Variants in NR6A1 observed in about 807,000 individuals in gnomAD.
The protein encoded by NR6A1 is retinoic acid receptor-related testis-associated receptor.
Under a neutral mutation model 59.1 loss-of-function variants are expected in NR6A1, and 7 were observed. The observed-to-expected ratio is 0.12, with a 90% confidence interval of 0.07 to 0.22. NR6A1 has a LOEUF of 0.22. NR6A1 is among the 10% of genes least tolerant of loss of function. The probability of loss-of-function intolerance (pLI) is 1.00; values close to 1 mark genes in which losing one functional copy is unlikely to be tolerated. For missense variants in NR6A1, 468 were observed against 611.6 expected (o/e 0.77, Z 2.48); for synonymous variants, 243 against 236.1 (o/e 1.03, Z -0.27).
At chr9:124,704,286 G>A (rs77166253) in intron 2 of NR6A1, among the ~76,000 whole-genome samples, 1,574 of 152,252 alleles carry the variant, frequency 0.01, 27 homozygotes, top group African/African-American at 0.036. Flanking sequence ...TATCAAATTT[G>A]TCGATCTTTT....
intron 2 of NR6A1, among the ~76,000 whole-genome samples, chr9:124,665,022 A>C (rs1158524678): frequency 1.9e-4 from 29 of 150,770 alleles, no homozygotes; most frequent in Admixed American, 1.5e-3. Context: ...AAAAAAAAAA[A>C]AAAAAAAAAA....
chr9:124,675,856 T>C (rs962789054), intron 2 of NR6A1, among the ~76,000 whole-genome samples: 3 of 152,202 alleles, frequency 2.0e-5, no homozygotes, highest in Non-Finnish European at 2.9e-5. Context: ...GATTTGCTCC[T>C]CTGGCTTCAA....
intron 2 of NR6A1, among the ~76,000 whole-genome samples, chr9:124,630,738 GC>G (rs1364228559): frequency 1.5e-5 from 2 of 137,562 alleles, no homozygotes; most frequent in Non-Finnish European, 3.0e-5. Context: ...GAGTGCAATG[GC>G]ACGATCTCAG....
At chr9:124,606,794 T>C (rs1410398139) in intron 2 of NR6A1, among the ~76,000 whole-genome samples, 1 of 152,204 alleles carries the variant, frequency 6.6e-6, no homozygotes, top group Non-Finnish European at 1.5e-5. Flanking sequence ...CGCTGGCAGC[T>C]TGTCTGACCC....
At chr9:124,670,216 C>CAAAAAAAAAAA (rs1245931470) in intron 2 of NR6A1, among the ~76,000 whole-genome samples, 2 of 82,134 alleles carry the variant, frequency 2.4e-5, no homozygotes, top group Non-Finnish European at 2.8e-5. Context: ...CTCATCTCTG[C>CAAAAAAAAAAA]AAAAAAAAAA....
In NR6A1 at chr9:124,554,540, C is replaced by A. The variant is rs1475243698; in HGVS notation, c.173G>T (p.Arg58Leu). The part of the protein sequence containing the change: ...ISVSDDRAEQ[R>L]TCLICGDRAT... ...GCGGTCCCCACAAATGAGACAGGTT[C>A]GTTGTTCAGCCCGATCATCTGAAAC... Residue 58 changes from arginine to leucine, a missense_variant, in exon 3 of 10, where the codon CGA becomes CTA. This residue lies in a region of NR6A1 where 66 missense variants were observed against 139.2 expected (regional missense o/e 0.47). Coordinates refer to ENST00000487099, the MANE Select transcript of NR6A1 (RefSeq NM_033334.4). 6.2e-7 allele frequency: 1 copy of A among 1,614,158 alleles called. No individual in the cohort carries two copies. Among genetic ancestry groups the A allele is most frequent in the African/African-American group, 1.3e-5 (1 of 75,024 alleles).
In NR6A1 at chr9:124,584,094, G is replaced by A. The variant is rs937734889; in HGVS notation, c.143-29524C>T. Reference sequence around the variant, plus strand: ...GAGCATACATCATTTTATTGCACTTGGCTTTTTTTTTTTTTTTTTGAGACA... The same window carrying A: ...GAGCATACATCATTTTATTGCACTTAGCTTTTTTTTTTTTTTTTTGAGACA... On this transcript the variant is annotated intron_variant, in intron 2 of 9. Coordinates refer to ENST00000487099, the MANE Select transcript of NR6A1 (RefSeq NM_033334.4). Among the ~76,000 whole-genome samples, 4 of 148,802 alleles carry A rather than the reference G, an allele frequency of 2.7e-5. No individual in the cohort carries two copies. The Admixed American group carries it at 2.7e-4, about 10-fold the overall frequency.
chr9:124,543,898 A>G (rs1469537204), intron 3 of NR6A1, 41 bp from the exon 4 acceptor site: 6 of 1,561,648 alleles, frequency 3.8e-6, no homozygotes, highest in Non-Finnish European at 5.3e-6. Flanking sequence ...TCAGAAGCAC[A>G]CTCATATAAG....
At chr9:124,560,229 T>A (rs773528738) in intron 2 of NR6A1, among the ~76,000 whole-genome samples, 16 of 152,208 alleles carry the variant, frequency 1.1e-4, no homozygotes, top group Non-Finnish European at 2.1e-4. Context: ...CACATACCAT[T>A]AACCAGTATC....
intron 1 of NR6A1, among the ~76,000 whole-genome samples, chr9:124,762,188 A>G (rs1840801098): frequency 6.6e-6 from 1 of 152,214 alleles, no homozygotes. Flanking sequence ...AAAATTATGA[A>G]GGACCCTAAA....
At chr9:124,711,651 T>C (rs1839284531) in intron 2 of NR6A1, among the ~76,000 whole-genome samples, 1 of 152,130 alleles carries the variant, frequency 6.6e-6, no homozygotes, top group African/African-American at 2.4e-5. Flanking sequence ...GCATTAAGGG[T>C]CTACTCTATT....
chr9:124,546,561 A>G (rs1833607594), intron 3 of NR6A1, among the ~76,000 whole-genome samples: 2 of 152,216 alleles, frequency 1.3e-5, no homozygotes, highest in South Asian at 4.1e-4. Context: ...TACTGTTGCA[A>G]ATTTTCTGTA....
chr9:124,605,092 G>A (rs937629595), intron 2 of NR6A1, among the ~76,000 whole-genome samples: 3 of 152,222 alleles, frequency 2.0e-5, no homozygotes, highest in Non-Finnish European at 2.9e-5. Context: ...ACACCCCCAT[G>A]AAGTAGTCTT....
chr9:124,729,748 G>C (rs1204611224), intron 2 of NR6A1, among the ~76,000 whole-genome samples: 1 of 151,984 alleles, frequency 6.6e-6, no homozygotes, highest in Non-Finnish European at 1.5e-5. Flanking sequence ...ACTTGGTAGG[G>C]CTGAACATGC....
chr9:124,740,551 CT>C (rs1840147598), intron 1 of NR6A1, among the ~76,000 whole-genome samples: 1 of 152,152 alleles, frequency 6.6e-6, no homozygotes, highest in Non-Finnish European at 1.5e-5. Flanking sequence ...TTCTGTGTGA[CT>C]CTTCTATGCT....
rs978448531 is a variant in NR6A1 at position 124,771,282 on chromosome 9, C to T, written c.-163G>A. The T allele has an allele frequency of 2.3e-5, 9 of 392,488 alleles. No homozygotes were observed. Among genetic ancestry groups the T allele is most frequent in the Non-Finnish European group, 3.6e-5 (8 of 224,426 alleles). The allele number at this position is 392,488 out of a possible 1,614,324, so 24.3% of individuals were successfully genotyped here. A position where few individuals can be genotyped will look rare whatever the true frequency, so the allele number is the denominator to read the frequency against. On this transcript the variant is annotated 5_prime_UTR_variant, in exon 1 of 10. Transcript: ENST00000487099. ...AGCCGCCCGGCTCCGCGCCGCTCCG[C>T]GCCCCTCCGCGCCGCGCCCCCTCAG...
intron 2 of NR6A1, among the ~76,000 whole-genome samples, chr9:124,667,159 T>C (rs910005969): frequency 1.3e-5 from 2 of 151,690 alleles, no homozygotes; most frequent in Admixed American, 1.3e-4. Context: ...CTCAGCCTCC[T>C]GAGTAGCTGG....
At chr9:124,568,306 T>G (rs11795337) in intron 2 of NR6A1, among the ~76,000 whole-genome samples, 1 of 149,388 alleles carries the variant, frequency 6.7e-6, no homozygotes, top group African/African-American at 2.5e-5. Context: ...GCCAATATGG[T>G]GAAACCCCGT....
intron 2 of NR6A1, among the ~76,000 whole-genome samples, chr9:124,726,558 G>A (rs960959282): frequency 6.6e-6 from 1 of 152,186 alleles, no homozygotes; most frequent in East Asian, 1.9e-4. Flanking sequence ...TGGGGAGGGT[G>A]GAGAGAGGTA....
Sources: allele counts gnomAD v4.1 joint callset (sites outside exome capture counted in the v4.1 genomes callset), GRCh38; gene constraint gnomAD v4.1.1; regional missense constraint gnomAD v4.1.1; transcripts MANE v1.5; gene names NCBI Gene and HGNC (gene_info 2026-07-23, HGNC 2026-07-21).